BBX: variants seen among roughly 807,000 people sequenced by gnomAD.
The protein encoded by BBX is BBX high mobility group box domain containing, also known as HMG box transcription factor BBX.
Under a neutral mutation model 100.2 loss-of-function variants are expected in BBX, and 30 were observed. The ratio of observed to expected loss-of-function variants is 0.30; its 90% CI spans 0.22 to 0.41. BBX has a LOEUF of 0.41. BBX is among the 10% of genes least tolerant of loss of function. BBX has a pLI of 1.00. For synonymous variants in BBX, 376 were observed against 388.1 expected (o/e 0.97, Z 0.37); for missense variants, 1,023 against 1,129.8 (o/e 0.91, Z 1.35).
chr3:107,775,876 T>A (rs1369371153), intron 12 of BBX, among the ~76,000 whole-genome samples: 2 of 152,148 alleles, frequency 1.3e-5, no homozygotes, highest in East Asian at 3.8e-4. Context: ...TATTTATAAT[T>A]TTATGTATTT....
intron 2 of BBX, among the ~76,000 whole-genome samples, chr3:107,610,758 A>G (rs1291920974): frequency 6.7e-6 from 1 of 148,720 alleles, no homozygotes; most frequent in African/African-American, 2.5e-5. Flanking sequence ...TATGTGAAGT[A>G]TATTTCTTAT....
At chr3:107,693,709 A>G (rs2060357591) in intron 3 of BBX, among the ~76,000 whole-genome samples, 1 of 151,818 alleles carries the variant, frequency 6.6e-6, no homozygotes, top group South Asian at 2.1e-4. Context: ...TATGAACTTT[A>G]AAGTGGTTCT....
chr3:107,634,924 G>A lies in BBX; in HGVS notation c.-83-10912G>A, dbSNP rs2056763458. Among the ~76,000 whole-genome samples the A allele has an allele frequency of 4.6e-5, 7 of 152,154 alleles. 1 individual carries two copies. ...TTTGTCTGGAATCTGAGTAATGGTA[G>A]AGCTCAGTAGTTTGAAGTTTATGTT... On this transcript the variant is annotated intron_variant, in intron 2 of 17. Transcript: ENST00000325805.
At chr3:107,655,183 CAA>C (rs2058060845) in intron 3 of BBX, among the ~76,000 whole-genome samples, 1 of 152,064 alleles carries the variant, frequency 6.6e-6, no homozygotes, top group South Asian at 2.1e-4. Context: ...ATTTTCTGTA[CAA>C]TTCTAAGTGA....
chr3:107,712,693 C>T (rs543666192), intron 4 of BBX, among the ~76,000 whole-genome samples: 41 of 152,284 alleles, frequency 2.7e-4, no homozygotes, highest in Middle Eastern at 6.8e-3. Flanking sequence ...TCTGCTCTTG[C>T]CCTCCTGCAG....
chr3:107,713,847 A>G (rs942719780), intron 4 of BBX, among the ~76,000 whole-genome samples: 2 of 152,028 alleles, frequency 1.3e-5, no homozygotes, highest in African/African-American at 4.8e-5. Context: ...ATGTTCAGAT[A>G]AACCAGCAAG....
chr3:107,789,190 A>C (rs1048296178), intron 13 of BBX, among the ~76,000 whole-genome samples: 17 of 152,110 alleles, frequency 1.1e-4, no homozygotes, highest in Admixed American at 6.6e-5. Context: ...AAAAAAAAAA[A>C]TCTCAATTTT....
rs1021076936 is a variant in BBX, at chr3:107,806,417, C to G, written c.*960C>G. ...CTATTCTAAACACATTGAAGACACT[C>G]ACTTCATGTGGACTTGGAGCTACAG... On this transcript the variant is annotated 3_prime_UTR_variant, in exon 18 of 18. Transcript: ENST00000325805. 6.6e-6 allele frequency: 1 copy of G among 152,194 alleles called. No homozygotes were observed. Among genetic ancestry groups the G allele is most frequent in the Non-Finnish European group, 1.5e-5 (1 of 68,034 alleles). 9.4% of individuals were successfully genotyped at this position (152,194 alleles called of 1,614,324 possible).
intron 6 of BBX, among the ~76,000 whole-genome samples, 175 bp downstream of exon 6, chr3:107,729,135 TA>T (rs2107506206): frequency 6.6e-6 from 1 of 152,226 alleles, no homozygotes; most frequent in South Asian, 2.1e-4. Flanking sequence ...ACAGGTAATT[TA>T]AAAAAGGATA....
intron 2 of BBX, among the ~76,000 whole-genome samples, chr3:107,584,790 C>G (rs2052705206): frequency 7.4e-6 from 1 of 135,688 alleles, no homozygotes; most frequent in African/African-American, 2.7e-5. Context: ...CTTCCGGGTT[C>G]AAGCAGTTCT....
intron 2 of BBX, among the ~76,000 whole-genome samples, chr3:107,573,732 CTCTT>C (rs1319738855): frequency 1.2e-4 from 19 of 152,140 alleles, no homozygotes; most frequent in Non-Finnish European, 1.5e-5. Context: ...AAATCTCTCT[CTCTT>C]TTTTTTTGAG....
chr3:107,774,491 C>T (rs1458857622), intron 11 of BBX, among the ~76,000 whole-genome samples: 1 of 152,124 alleles, frequency 6.6e-6, no homozygotes, highest in African/African-American at 2.4e-5. Context: ...TCATGTGATA[C>T]CTGTTGAATT....
intron 13 of BBX, among the ~76,000 whole-genome samples, chr3:107,779,028 C>CT (rs2067598355): frequency 1.2e-5 from 1 of 86,664 alleles, no homozygotes; most frequent in Non-Finnish European, 2.2e-5. Flanking sequence ...TATACACACA[C>CT]ACACACACAT....
rs747655585 is a variant in BBX, at chr3:107,773,244, G to A, written c.1523G>A (p.Arg508His). The change falls in exon 11 of 18, where the codon CGC (arginine) becomes CAC (histidine). Residue 508 changes from arginine to histidine, a missense_variant. Physicochemically the swap from Arg to His is conservative, Grantham distance 29. Around this residue, in one of 9 missense-constraint regions of BBX, gnomAD observed 348 missense variants for 353.2 expected, o/e 0.99. Transcript: ENST00000325805. The surrounding 1 kb of genome is among the most constrained non-coding windows in gnomAD (Gnocchi z 4.1). ...ATAGAGAAACTTGGAGATACCCCTC[G>A]CAAGAAGGTCCGCACATCCTCAAGT... ...WGIEKLGDTP[R>H]KKVRTSSSGK... 19 of 1,613,986 alleles carry A rather than the reference G, an allele frequency of 1.2e-5. No individual in the cohort carries two copies. Among genetic ancestry groups the A allele is most frequent in the Non-Finnish European group, 1.5e-5 (18 of 1,179,980 alleles).
intron 2 of BBX, among the ~76,000 whole-genome samples, chr3:107,533,489 A>T (rs2048296866): frequency 6.6e-6 from 1 of 152,198 alleles, no homozygotes; most frequent in South Asian, 2.1e-4. Flanking sequence ...ATAAGGATAT[A>T]AAGTCAGGTA....
chr3:107,575,345 A>G (rs986771175), intron 2 of BBX, among the ~76,000 whole-genome samples: 2 of 152,148 alleles, frequency 1.3e-5, no homozygotes, highest in African/African-American at 4.8e-5. Flanking sequence ...GATTTTTTTG[A>G]CATTCTCTTA....
intron 2 of BBX, among the ~76,000 whole-genome samples, chr3:107,548,477 GTTTGGGAGATGT>G (rs1230722086): frequency 6.6e-6 from 1 of 152,110 alleles, no homozygotes; most frequent in East Asian, 1.9e-4. Flanking sequence ...TTTGGGAGAT[GTTTGGGAGATGT>G]TTTGGGAGAG....
chr3:107,635,528 C>T (rs180857643), intron 2 of BBX, among the ~76,000 whole-genome samples: 14 of 152,194 alleles, frequency 9.2e-5, no homozygotes, highest in Non-Finnish European at 7.4e-5. Flanking sequence ...ATAGGAAATA[C>T]AATTGAAGGA....
At chr3:107,763,144 T>G (rs924515414) in intron 10 of BBX, among the ~76,000 whole-genome samples, 2 of 152,160 alleles carry the variant, frequency 1.3e-5, no homozygotes, top group Non-Finnish European at 2.9e-5. Context: ...CTGAGACACT[T>G]CTGATGCCAA....
Sources: allele counts gnomAD v4.1 joint callset (sites outside exome capture counted in the v4.1 genomes callset), GRCh38; gene constraint gnomAD v4.1.1; regional missense constraint gnomAD v4.1.1; non-coding constraint Gnocchi (gnomAD v3.1); transcripts MANE v1.5; gene names NCBI Gene and HGNC (gene_info 2026-07-23, HGNC 2026-07-21).